The following MSR1 variants were observed in gnomAD, a reference collection of about 807,000 sequenced individuals.
The protein encoded by MSR1 is macrophage scavenger receptor types I and II.
In MSR1, 53 loss-of-function variants were observed where a neutral mutation model predicts 47.2. That is an observed-to-expected ratio of 1.12 (90% confidence interval 0.90 to 1.41). The LOEUF is 1.41. MSR1 is among the 40% of genes most tolerant of loss of function. MSR1 has a pLI of 0.00. For synonymous variants in MSR1, 239 were observed against 185.6 expected, an observed-to-expected ratio of 1.29 and a Z score of -2.34; for missense variants, 786 against 546.9, an observed-to-expected ratio of 1.44 and a Z score of -4.36.
intron 9 of MSR1, among the ~76,000 whole-genome samples, chr8:16,111,497 T>A (rs2117044142): frequency 6.6e-6 from 1 of 152,118 alleles, no homozygotes; most frequent in South Asian, 2.1e-4. Context: ...ATTTGTACAA[T>A]CCAGGAAAAG....
rs114461507 is a variant in MSR1 at position 16,141,127 on chromosome 8, A to C, written c.1033+2431T>G. ...TACAAAATTTTAAAGATGCATATGA[A>C]AACATTCAATATAAATTTTCACATA... On this transcript the variant is annotated intron_variant, in intron 8 of 9. Coordinates refer to ENST00000262101, the MANE Select transcript of MSR1 (RefSeq NM_138715.3). 2.1e-3 allele frequency: 3,179 copies of C among 1,491,298 alleles called. 58 individuals are homozygous for C. In the African/African-American group the frequency reaches 0.038, roughly 18 times the overall value. The allele number at this position is 1,491,298 out of a possible 1,614,324, so 92.4% of individuals were successfully genotyped here.
chr8:16,183,594 T>G (rs931794722), intron 1 of MSR1, among the ~76,000 whole-genome samples: 172 of 140,252 alleles, frequency 1.2e-3, no homozygotes, highest in Non-Finnish European at 1.8e-3. Context: ...TATTACATAA[T>G]ATATTATATA....
intron 5 of MSR1, among the ~76,000 whole-genome samples, chr8:16,159,652 A>G (rs576884704): frequency 6.6e-6 from 1 of 152,106 alleles, no homozygotes; most frequent in African/African-American, 2.4e-5. Flanking sequence ...TATAAGAGAT[A>G]TAAAGAACAG....
intron 3 of MSR1, among the ~76,000 whole-genome samples, chr8:16,174,953 T>C (rs899532078): frequency 6.6e-6 from 1 of 152,208 alleles, no homozygotes; most frequent in Admixed American, 6.5e-5. Flanking sequence ...TGTATTTTTA[T>C]CTTGCACTTC....
chr8:16,189,915 C>CTTT (rs760309231), intron 1 of MSR1, among the ~76,000 whole-genome samples: 2,743 of 119,066 alleles, frequency 0.023, 204 homozygotes, highest in African/African-American at 0.085. Flanking sequence ...TAAATATTTC[C>CTTT]TTTTTTTTTT....
intron 1 of MSR1, among the ~76,000 whole-genome samples, chr8:16,190,934 T>C (rs1052587506): frequency 6.6e-6 from 1 of 152,110 alleles, no homozygotes; most frequent in Non-Finnish European, 1.5e-5. Flanking sequence ...TTGGTCAGGC[T>C]GGTCTTGAAC....
chr8:16,185,226 T>C (rs1186962270), intron 1 of MSR1, among the ~76,000 whole-genome samples: 1 of 152,132 alleles, frequency 6.6e-6, no homozygotes, highest in Non-Finnish European at 1.5e-5. Context: ...CTGATGTTAC[T>C]TTCTTTTTTC....
intron 1 of MSR1, 128 bp downstream of exon 1, chr8:16,192,470 C>G (rs1168325966): frequency 7.8e-6 from 1 of 128,568 alleles, no homozygotes; most frequent in Admixed American, 8.3e-5. Context: ...TTCATCTCAT[C>G]ATACACACAC....
chr8:16,151,461 G>A (rs952228855), intron 6 of MSR1, among the ~76,000 whole-genome samples: 2 of 152,118 alleles, frequency 1.3e-5, no homozygotes, highest in African/African-American at 4.8e-5. Context: ...TATGTGACTT[G>A]TTTGTTTAAT....
At chr8:16,154,018 T>C (rs1800931832) in intron 6 of MSR1, among the ~76,000 whole-genome samples, 1 of 151,900 alleles carries the variant, frequency 6.6e-6, no homozygotes, top group Admixed American at 6.6e-5. Context: ...AAAACATGTG[T>C]ACCTGGATGT....
chr8:16,155,059 C>A lies in MSR1; in HGVS notation c.898+5G>T. The A allele has an allele frequency of 6.2e-7, 1 of 1,607,346 alleles. No individual in the cohort carries two copies. Among genetic ancestry groups the A allele is most frequent in the South Asian group, 1.1e-5 (1 of 90,924 alleles). On this transcript the variant is annotated splice_donor_5th_base_variant and intron_variant, in intron 6 of 9. Coordinates refer to ENST00000262101, the MANE Select transcript of MSR1 (RefSeq NM_138715.3). Reference sequence around the variant, plus strand: ...TATATGATTAAATAGCTAAAATTACCATACCTATTGGACCTGGAAATCCTC... The same window carrying A: ...TATATGATTAAATAGCTAAAATTACAATACCTATTGGACCTGGAAATCCTC...
At chr8:16,128,501 G>GC (rs1800180298) in intron 8 of MSR1, among the ~76,000 whole-genome samples, 1 of 152,020 alleles carries the variant, frequency 6.6e-6, no homozygotes. Flanking sequence ...AGCCAATCCT[G>GC]CCCCCAGCTT....
At chr8:16,112,043 G>C (rs764521910) in intron 9 of MSR1, among the ~76,000 whole-genome samples, 1 of 152,106 alleles carries the variant, frequency 6.6e-6, no homozygotes, top group Non-Finnish European at 1.5e-5. Flanking sequence ...TTATGTTCTA[G>C]GTAGATGAAG....
At chr8:16,145,067 G>C (rs1368988385) in intron 7 of MSR1, among the ~76,000 whole-genome samples, 1 of 151,984 alleles carries the variant, frequency 6.6e-6, no homozygotes, top group East Asian at 1.9e-4. Flanking sequence ...CACTTAAAGA[G>C]TAAACATTAT....
intron 9 of MSR1, among the ~76,000 whole-genome samples, chr8:16,113,011 C>T (rs1799795070): frequency 7.1e-6 from 1 of 140,378 alleles, no homozygotes; most frequent in Non-Finnish European, 1.5e-5. Flanking sequence ...AGTGCAATGG[C>T]GTGATCTCGG....
intron 9 of MSR1, among the ~76,000 whole-genome samples, chr8:16,113,169 C>T (rs1397143335): frequency 1.3e-5 from 2 of 151,694 alleles, no homozygotes; most frequent in African/African-American, 2.4e-5. Context: ...AGAATGGTCT[C>T]GATCTCTTCA....
At chr8:16,152,723 G>A (rs1384235901) in intron 6 of MSR1, among the ~76,000 whole-genome samples, 3 of 151,942 alleles carry the variant, frequency 2.0e-5, no homozygotes, top group Non-Finnish European at 4.4e-5. Context: ...TGTTGTCATG[G>A]GTAAAATCAG....
chr8:16,186,304 C>T lies in MSR1; in HGVS notation c.-5+6294G>A, dbSNP rs931192843. ...GGGTCCAGTTTCTGTTCTGTTTTCTCTCCTATTTTCACTCCCTTGGTGATC... is the reference window on the plus strand; with the variant it reads ...GGGTCCAGTTTCTGTTCTGTTTTCTTTCCTATTTTCACTCCCTTGGTGATC... On this transcript the variant is annotated intron_variant, in intron 1 of 9. Transcript: ENST00000262101. The T allele has an allele frequency of 7.5e-5, 78 of 1,035,446 alleles. No homozygotes were observed. The African/African-American group carries it at 1.1e-3, about 15-fold the overall frequency. The allele number at this position is 1,035,446 out of a possible 1,614,324, so 64.1% of individuals were successfully genotyped here. A position where few individuals can be genotyped will look rare whatever the true frequency, so the allele number is the denominator to read the frequency against.
chr8:16,165,036 C>G (rs1801265159), intron 4 of MSR1, among the ~76,000 whole-genome samples: 1 of 151,546 alleles, frequency 6.6e-6, no homozygotes, highest in Admixed American at 6.6e-5. Context: ...TTTAGGATTC[C>G]TATTCATAGT....
Sources: gnomAD v4.1 joint callset for allele counts (sites outside exome capture counted in the v4.1 genomes callset) on GRCh38, gnomAD v4.1.1 for gene constraint, MANE v1.5 for transcripts, NCBI Gene and HGNC (gene_info 2026-07-23, HGNC 2026-07-21) for gene names.